The following DPF1 variants were observed in gnomAD, a reference collection of about 807,000 sequenced individuals.
DPF1 encodes the protein double PHD fingers 1.
A neutral mutation model predicts 58.7 loss-of-function variants in DPF1; 14 were observed. The observed-to-expected ratio is 0.24, with a 90% CI of 0.16 to 0.37. The LOEUF (loss-of-function observed/expected upper bound fraction) is 0.37. DPF1 is among the 10% of genes least tolerant of loss of function. DPF1 has a pLI of 1.00. For synonymous variants in DPF1, 216 were observed against 216.0 expected (o/e 1.00, Z 0.00); for missense variants, 345 against 529.9 (o/e 0.65, Z 3.43).
chr19:38,222,903 G>T lies in DPF1; in HGVS notation c.30-195C>A. 1.5e-6 allele frequency: 1 copy of T among 679,602 alleles called. No homozygotes were observed. Among genetic ancestry groups the T allele is most frequent in the Non-Finnish European group, 2.3e-6 (1 of 439,132 alleles). 42.1% of individuals were successfully genotyped at this position (679,602 alleles called of 1,614,324 possible). ...ACAGGGCCCAGGGGCCCCCAAACTG[G>T]GACTCAAACAGGCCCCCAGCTCATG... On this transcript the variant is annotated intron_variant, in intron 1 of 11. Coordinates refer to ENST00000355526, the MANE Select transcript of DPF1 (RefSeq NM_001135155.3). The surrounding 1 kb of genome is among the most constrained non-coding windows in gnomAD (Gnocchi z 4.9).
At chr19:38,217,282 GATGGTTGGTTGCC>G in intron 7 of DPF1, 165 bp downstream of exon 7, 1 of 752,384 alleles carries the variant, frequency 1.3e-6, no homozygotes, top group Non-Finnish European at 2.1e-6. Context: ...GCGAAGGAGC[GATGGTTGGTTGCC>G]ATGGCAACCC....
rs1040654427 is a variant in DPF1 at position 38,215,425 on chromosome 19, G to A, written c.898+715C>T. 4.6e-5 allele frequency among the ~76,000 whole-genome samples: 7 copies of A among 152,004 alleles called. No individual in the cohort carries two copies. In the East Asian group the frequency reaches 7.8e-4, roughly 17 times the overall value. Reference sequence around the variant, plus strand: ...CAAGAATCACTTGAACCCAGGAGGCGGAGGTTGCAGTGAGCCAAGATCATG... The same window carrying A: ...CAAGAATCACTTGAACCCAGGAGGCAGAGGTTGCAGTGAGCCAAGATCATG... On this transcript the variant is annotated intron_variant, in intron 9 of 11. Coordinates refer to ENST00000355526, the MANE Select transcript of DPF1 (RefSeq NM_001135155.3).
chr19:38,228,569 C>T (rs1250905772), upstream of DPF1: 4 of 138,818 alleles, frequency 2.9e-5, no homozygotes, highest in Non-Finnish European at 4.7e-5. Flanking sequence ...GCGCCTCGCT[C>T]GCCTGCGGGG....
In DPF1 at chr19:38,211,799, G is replaced by A. The variant is rs1973442124; in HGVS notation, c.*264C>T. 2 of 508,814 alleles carry A rather than the reference G, an allele frequency of 3.9e-6. No individual in the cohort carries two copies. The highest frequency in any genetic ancestry group is 2.9e-5 in the South Asian group (1 of 34,980). 31.5% of individuals were successfully genotyped at this position (508,814 alleles called of 1,614,324 possible). ...CCACCCCCCATGCCCGCCCAGAGGCGGGGTATGGCTTTGAGGGGAGAAGCC... is the reference window on the plus strand; with the variant it reads ...CCACCCCCCATGCCCGCCCAGAGGCAGGGTATGGCTTTGAGGGGAGAAGCC... On this transcript the variant is annotated 3_prime_UTR_variant, in exon 12 of 12. Coordinates refer to ENST00000355526, the MANE Select transcript of DPF1 (RefSeq NM_001135155.3). This position sits in a 1 kb window ranked among gnomAD's most constrained non-coding sequence, Gnocchi z 4.0.
At chr19:38,216,804 A>G (rs1032810321) in intron 7 of DPF1, among the ~76,000 whole-genome samples, 2 of 152,198 alleles carry the variant, frequency 1.3e-5, no homozygotes, top group African/African-American at 4.8e-5. Flanking sequence ...AGCTTGAGGA[A>G]GGGCTCCCTG....
At position 38,217,370 on chromosome 19, in the gene DPF1, G is replaced by T. The variant is rs145940401; in HGVS notation, c.727+90C>A. ...GCTGAGCTGGAGATTTTCCAGAAAT[G>T]TCTAATGCCCCCCCACCCCCACCCC... On this transcript the variant is annotated intron_variant, in intron 7 of 11. Transcript: ENST00000355526. 3.0e-4 allele frequency: 383 copies of T among 1,296,808 alleles called. 1 individual carries two copies. Among genetic ancestry groups the T allele is most frequent in the South Asian group, 1.2e-3 (86 of 73,386 alleles). The allele number at this position is 1,296,808 out of a possible 1,614,324, so 80.3% of individuals were successfully genotyped here. A position where few individuals can be genotyped will look rare whatever the true frequency, so the allele number is the denominator to read the frequency against.
Position 38,212,293 on chromosome 19 carries a change from C to A in DPF1, c.1080G>T (p.Ala360=), listed in dbSNP as rs1332054610. 5.9e-6 allele frequency: 9 copies of A among 1,533,722 alleles called. No homozygotes were observed. Among genetic ancestry groups the A allele is most frequent in the Non-Finnish European group, 7.9e-6 (9 of 1,141,218 alleles). Residue 360 remains alanine, a synonymous_variant, in exon 11 of 12, where the codon GCG becomes GCT. Transcript: ENST00000355526. The part of the protein sequence containing the change: ...YHMYCLSPPM[A]EPPEGSWSCH... ...CTCTCCTCTCACCTTCCGGGGGCTC[C>A]GCCATGGGGGGACTCAGGCAGTACA...
rs1237366049 is a variant in DPF1, at chr19:38,222,899, A to C, written c.30-191T>G. 5 of 705,710 alleles carry C rather than the reference A, an allele frequency of 7.1e-6. No homozygotes were observed. The highest frequency in any genetic ancestry group is 1.1e-5 in the Non-Finnish European group (5 of 462,284). The allele number at this position is 705,710 out of a possible 1,614,324, so 43.7% of individuals were successfully genotyped here. ...GGGGACAGGGCCCAGGGGCCCCCAA[A>C]CTGGGACTCAAACAGGCCCCCAGCT... On this transcript the variant is annotated intron_variant, in intron 1 of 11. Transcript: ENST00000355526. The surrounding 1 kb of genome is among the most constrained non-coding windows in gnomAD (Gnocchi z 4.9).
chr19:38,228,375 G>A (rs947534627), upstream of DPF1, among the ~76,000 whole-genome samples: 23 of 151,552 alleles, frequency 1.5e-4, no homozygotes, highest in Non-Finnish European at 1.0e-4. Context: ...GTAGGGGGGC[G>A]CTCCCTCTCT....
intron 7 of DPF1, 27 bp from the exon 8 acceptor site, chr19:38,216,430 A>T (rs200733669): frequency 3.7e-4 from 583 of 1,554,824 alleles, no homozygotes; most frequent in Non-Finnish European, 3.6e-4. Flanking sequence ...AGAGAGAGGG[A>T]CTCTCACCAC....
chr19:38,212,466 G>A (rs1973523255), intron 10 of DPF1, 105 bp from the exon 11 acceptor site: 2 of 582,792 alleles, frequency 3.4e-6, no homozygotes, highest in Non-Finnish European at 3.1e-6. Context: ...GGGGAGGTGA[G>A]GCCTTCCGAG....
At chr19:38,219,278 A>G (rs1469490296) in intron 3 of DPF1, 10 of 607,888 alleles carry the variant, frequency 1.6e-5, no homozygotes, top group Non-Finnish European at 2.3e-5. Flanking sequence ...AGAACTTTGG[A>G]TACACCAGAA....
At chr19:38,217,126 G>A (rs796960677) in intron 7 of DPF1, among the ~76,000 whole-genome samples, 8 of 152,298 alleles carry the variant, frequency 5.3e-5, no homozygotes, top group African/African-American at 1.9e-4. Context: ...AGGGCTCCCA[G>A]GCCACAGACC....
At position 38,222,498 on chromosome 19, in the gene DPF1, G is replaced by A. The variant is rs1967567412; in HGVS notation, c.191-34C>T. 1.9e-6 allele frequency: 3 copies of A among 1,583,220 alleles called. No individual in the cohort carries two copies. Among genetic ancestry groups the A allele is most frequent in the Non-Finnish European group, 2.6e-6 (3 of 1,169,978 alleles). On this transcript the variant is annotated intron_variant, in intron 2 of 11. Transcript: ENST00000355526. This position sits in a 1 kb window ranked among gnomAD's most constrained non-coding sequence, Gnocchi z 4.9. Reference sequence around the variant, plus strand: ...AGAGGGGGGTGAGAGGGCGGCGGCGGTGGGGCGGCCTGGCCCCGCCCCGCC... The same window carrying A: ...AGAGGGGGGTGAGAGGGCGGCGGCGATGGGGCGGCCTGGCCCCGCCCCGCC...
intron 9 of DPF1, among the ~76,000 whole-genome samples, chr19:38,215,078 T>C (rs575448957): frequency 3.3e-5 from 5 of 151,346 alleles, no homozygotes; most frequent in Admixed American, 2.6e-4. Context: ...CATGATCTGC[T>C]CGCCCCAGCC....
At chr19:38,221,131 G>A (rs1222971836) in intron 3 of DPF1, among the ~76,000 whole-genome samples, 1 of 152,118 alleles carries the variant, frequency 6.6e-6, no homozygotes, top group Non-Finnish European at 1.5e-5. Context: ...GACACTTGGA[G>A]ACACCTGGGA....
At chr19:38,228,265 A>C, upstream of DPF1, among the ~76,000 whole-genome samples, 1 of 147,516 alleles carries the variant, frequency 6.8e-6, no homozygotes, top group Non-Finnish European at 1.5e-5. Flanking sequence ...TTCCTCTCCC[A>C]ACTCCCACCC....
upstream of DPF1, among the ~76,000 whole-genome samples, chr19:38,228,404 C>G (rs1967915362): frequency 6.6e-6 from 1 of 151,830 alleles, no homozygotes; most frequent in South Asian, 2.1e-4. Flanking sequence ...CCCCCCACCC[C>G]CCACCCCCGC....
At chr19:38,219,235 G>C (rs1026905266) in intron 3 of DPF1, 177 bp from the exon 4 acceptor site, 1 of 782,298 alleles carries the variant, frequency 1.3e-6, no homozygotes, top group African/African-American at 1.7e-5. Flanking sequence ...CACGCCCTCA[G>C]ATGCCCTGGG....
Sources: gnomAD v4.1 joint callset for allele counts (sites outside exome capture counted in the v4.1 genomes callset) on GRCh38, gnomAD v4.1.1 for gene constraint, Gnocchi (gnomAD v3.1) non-coding constraint, MANE v1.5 for transcripts, NCBI Gene and HGNC (gene_info 2026-07-23, HGNC 2026-07-21) for gene names.